The following KLC4 variants were observed in gnomAD, a reference collection of about 807,000 sequenced individuals.
KLC4 encodes the protein kinesin-like protein 8.
Under a neutral mutation model 77.2 loss-of-function variants are expected in KLC4, and 49 were observed. The observed-to-expected ratio is 0.63, with a 90% CI of 0.50 to 0.80. The LOEUF (loss-of-function observed/expected upper bound fraction) is 0.80. Among genes scored for constraint, KLC4 ranks in the 30% least tolerant of loss-of-function variants. KLC4 has a pLI of 0.00. For missense variants in KLC4, 669 were observed against 793.5 expected, an observed-to-expected ratio of 0.84 and a Z score of 1.89; for synonymous variants, 274 against 314.5, an observed-to-expected ratio of 0.87 and a Z score of 1.36.
At chr6:43,070,244 T>TA in intron 6 of KLC4, 110 bp from the exon 7 acceptor site, 1 of 698,986 alleles carries the variant, frequency 1.4e-6, no homozygotes, top group East Asian at 2.6e-5. Flanking sequence ...AGACTTTGTC[T>TA]CTTAGAGTTG....
chr6:43,070,556 C>A, intron 7 of KLC4, 101 bp downstream of exon 7: 2 of 1,372,358 alleles, frequency 1.5e-6, no homozygotes, highest in Non-Finnish European at 2.0e-6. Flanking sequence ...TTCTCACCCC[C>A]ATCTCTGCTT....
At position 43,059,993 on chromosome 6, in the gene KLC4, C is replaced by G. The variant is rs895887247; in HGVS notation, c.-26+308C>G. On this transcript the variant is annotated intron_variant, in intron 1 of 15. Coordinates refer to ENST00000347162, the MANE Select transcript of KLC4 (RefSeq NM_201521.3). ...CCCTGCCGCCCCCGCCCATCTCACTCTCCCAACCCTGGGCACCAGGGCAGG... is the reference window on the plus strand; with the variant it reads ...CCCTGCCGCCCCCGCCCATCTCACTGTCCCAACCCTGGGCACCAGGGCAGG... The G allele has an allele frequency of 3.6e-6, 5 of 1,381,178 alleles. No individual in the cohort carries two copies. The African/African-American group carries it at 4.4e-5, about 12-fold the overall frequency. 85.6% of individuals were successfully genotyped at this position (1,381,178 alleles called of 1,614,324 possible). A position where few individuals can be genotyped will look rare whatever the true frequency, so the allele number is the denominator to read the frequency against.
chr6:43,073,845 C>T lies in KLC4; in HGVS notation c.1746-57C>T, dbSNP rs376606502. On this transcript the variant is annotated intron_variant, in intron 14 of 15. Transcript: ENST00000347162. ...TGGCAGTGCTCAAGAGGCCCACAGC[C>T]TTAAGGCCACTCAGGAGGAAGAGAG... 1.1e-3 allele frequency: 1,631 copies of T among 1,533,630 alleles called. 6 individuals are homozygous for T. The highest frequency in any genetic ancestry group is 4.2e-3 in the Middle Eastern group (25 of 5,922).
At chr6:43,065,061 GA>G (rs1170740283) in intron 3 of KLC4, among the ~76,000 whole-genome samples, 1 of 151,982 alleles carries the variant, frequency 6.6e-6, no homozygotes, top group East Asian at 1.9e-4. Flanking sequence ...GGTTAGAAAG[GA>G]AACTTTTTTT....
rs749331972 is a variant in KLC4 at position 43,066,970 on chromosome 6, C to T, written c.792-26C>T. ...GAGAAGGCTTGCGGGTTCAGGGTAA[C>T]TCCTGTCACTTTTGTCTTCTTCCAG... On this transcript the variant is annotated intron_variant, in intron 5 of 15. Coordinates refer to ENST00000347162, the MANE Select transcript of KLC4 (RefSeq NM_201521.3). 3 of 1,603,880 alleles carry T rather than the reference C, an allele frequency of 1.9e-6. No individual in the cohort carries two copies. The South Asian group carries it at 3.3e-5, about 18-fold the overall frequency.
intron 14 of KLC4, chr6:43,073,625 C>T (rs1487776515): frequency 1.7e-5 from 9 of 517,006 alleles, no homozygotes; most frequent in Non-Finnish European, 2.0e-5. Context: ...CCAGCCCAGG[C>T]GACAACAGCG....
intron 8 of KLC4, 80 bp from the exon 9 acceptor site, chr6:43,071,194 CT>C: frequency 1.2e-6 from 1 of 827,170 alleles, no homozygotes. Context: ...TGGTGAAGAC[CT>C]TGTCTAAAAA....
Position 43,062,940 on chromosome 6 carries a change from C to T in KLC4, c.282C>T (p.His94=), listed in dbSNP as rs554839831. ...AGGTGATGCTGGCTCTAGCCAGCCA[C>T]CTGAGCACAGTGGAGTCGGAGAAAC... ...EAQVMLALAS[H]LSTVESEKQK... is the part of the protein sequence containing the mutation. The change falls in exon 3 of 16, where the codon CAC becomes CAT. Residue 94 remains histidine, a synonymous_variant. Transcript: ENST00000347162. 3 of 1,614,180 alleles carry T rather than the reference C, an allele frequency of 1.9e-6. No individual in the cohort carries two copies. Among genetic ancestry groups the T allele is most frequent in the East Asian group, 2.2e-5 (1 of 44,886 alleles).
chr6:43,067,216 C>CT, intron 6 of KLC4, 133 bp downstream of exon 6: 1 of 1,439,412 alleles, frequency 6.9e-7, no homozygotes, highest in Non-Finnish European at 9.2e-7. Context: ...ATAAGAAGTC[C>CT]TTTCTTCCAG....
At position 43,066,428 on chromosome 6, in the gene KLC4, C is replaced by A. The variant is rs1160303543; in HGVS notation, c.694C>A (p.Pro232Thr). The change falls in exon 5 of 16, where the codon CCA (proline) becomes ACA (threonine). Residue 232 changes from proline to threonine, a missense_variant. Transcript: ENST00000347162. The part of the protein sequence containing the change: ...AAQGRYEVAV[P>T]LCKQALEDLE... ...CCAAGGTCGCTATGAGGTGGCCGTG[C>A]CACTCTGTAAGCAGGCACTAGAGGA... The A allele has an allele frequency of 1.9e-6, 3 of 1,614,038 alleles. No individual in the cohort carries two copies. The highest frequency in any genetic ancestry group is 2.5e-6 in the Non-Finnish European group (3 of 1,180,010).
At chr6:43,071,968 C>G (rs770683802) in intron 11 of KLC4, 46 bp downstream of exon 11, 1 of 1,557,620 alleles carries the variant, frequency 6.4e-7, no homozygotes, top group Admixed American at 1.9e-5. Flanking sequence ...TGCCCTCCAT[C>G]CAGTCCCTGC....
chr6:43,065,518 C>T, intron 3 of KLC4, 102 bp from the exon 4 acceptor site: 1 of 771,318 alleles, frequency 1.3e-6, no homozygotes, highest in Non-Finnish European at 2.2e-6. Context: ...ACAGTCTTCT[C>T]CTAGGTCCCA....
chr6:43,059,932 G>A (rs1685060255), intron 1 of KLC4: 2 of 1,284,292 alleles, frequency 1.6e-6, no homozygotes, highest in African/African-American at 3.1e-5. Context: ...CGTCCTCGCT[G>A]GAGCTGCGGA....
At chr6:43,073,875 C>T in intron 14 of KLC4, 27 bp from the exon 15 acceptor site, 1 of 1,611,838 alleles carries the variant, frequency 6.2e-7, no homozygotes, top group South Asian at 1.1e-5. Flanking sequence ...AGAGAGGAGG[C>T]CTCAATTCTT....
At position 43,061,535 on chromosome 6, in the gene KLC4, A is replaced by G. The variant is rs1178509488; in HGVS notation, c.200A>G (p.Lys67Arg). The part of the protein sequence containing the change: ...GGHEEGLVHE[K>R]ARQLRRSMEN... ...CATGAGGAAGGGCTGGTGCATGAGAAGGCCCGGCAGCTTCGCCGTTCTATG... is the reference window on the plus strand; with the variant it reads ...CATGAGGAAGGGCTGGTGCATGAGAGGGCCCGGCAGCTTCGCCGTTCTATG... The change falls in exon 2 of 16, where the codon AAG becomes AGG. Residue 67 changes from lysine (K) to arginine (R), a missense_variant. Lys to Arg is a conservative substitution (Grantham distance 26, BLOSUM62 2). Transcript: ENST00000347162. 1 of 1,613,882 alleles carries G rather than the reference A, an allele frequency of 6.2e-7. No homozygotes were observed. The highest frequency in any genetic ancestry group is 1.3e-5 in the African/African-American group (1 of 74,940).
chr6:43,074,204 C>T (rs1484396585), intron 15 of KLC4: 1 of 485,878 alleles, frequency 2.1e-6, no homozygotes, highest in East Asian at 3.4e-5. Context: ...TAGGAATATT[C>T]TGTAAACTGG....
rs751622974 is a variant in KLC4, at chr6:43,063,088, A to G, written c.430A>G (p.Lys144Glu). 16 of 1,614,106 alleles carry G rather than the reference A, an allele frequency of 9.9e-6. No homozygotes were observed. The Middle Eastern group carries it at 4.9e-4, about 50-fold the overall frequency. The change falls in exon 3 of 16, where the codon AAG becomes GAG. Residue 144 changes from lysine (K) to glutamate (E), a missense_variant. Coordinates refer to ENST00000347162, the MANE Select transcript of KLC4 (RefSeq NM_201521.3). ...GGCTGTGGCTCAGCTGGAGGAGGAA[A>G]AGAAGCACCTGGAGTTCCTGGGGCA... ...EQAVAQLEEE[K>E]KHLEFLGQLR...
chr6:43,059,868 C>T, intron 1 of KLC4, 183 bp downstream of exon 1: 1 of 1,211,868 alleles, frequency 8.3e-7, no homozygotes, highest in Non-Finnish European at 1.0e-6. Flanking sequence ...GACGACCTGC[C>T]CCGCCCCCTG....
chr6:43,071,906 G>C lies in KLC4; in HGVS notation c.1363G>C (p.Ala455Pro). Residue 455 changes from alanine to proline, a missense_variant, in exon 11 of 16, where the codon GCC (alanine) becomes CCC (proline). Transcript: ENST00000347162. ...TGCTGAGTATGGAGGCTGGTACAAG[G>C]CCTGCAAAGTGAGCAGGTGAGCTGA... Reference protein sequence around the residue: ...PYAEYGGWYKACKVSSPTVNT... With the variant: ...PYAEYGGWYKPCKVSSPTVNT... 3 of 1,611,074 alleles carry C rather than the reference G, an allele frequency of 1.9e-6. No homozygotes were observed. The highest frequency in any genetic ancestry group is 2.5e-6 in the Non-Finnish European group (3 of 1,179,316).
Sources: gnomAD v4.1 joint callset for allele counts (sites outside exome capture counted in the v4.1 genomes callset) on GRCh38, gnomAD v4.1.1 for gene constraint, MANE v1.5 for transcripts, NCBI Gene and HGNC (gene_info 2026-07-23, HGNC 2026-07-21) for gene names.